SMARCA4: variants seen among roughly 807,000 people sequenced by gnomAD.
SMARCA4 encodes the protein SWI/SNF-related matrix-associated actin-dependent regulator of chromatin subfamily A member 4.
Under a neutral mutation model 193.9 loss-of-function variants are expected in SMARCA4, and 31 were observed. That is an observed-to-expected ratio of 0.16 (90% CI 0.12 to 0.22). The LOEUF (loss-of-function observed/expected upper bound fraction) is 0.22, where lower values mean the gene tolerates loss of function less well. Ranked by LOEUF, SMARCA4 falls within the 10% of genes least tolerant of loss-of-function variation. SMARCA4 has a pLI of 1.00. For missense variants in SMARCA4, 1,148 were observed against 2,296.0 expected, an observed-to-expected ratio of 0.50 and a Z score of 10.22; for synonymous variants, 942 against 933.1, an observed-to-expected ratio of 1.01 and a Z score of -0.17.
intron 14 of SMARCA4, 25 bp from the exon 15 acceptor site, chr19:11,010,356 C>G (rs772082607): frequency 2.5e-6 from 4 of 1,613,230 alleles, no homozygotes; most frequent in Non-Finnish European, 3.4e-6. Flanking sequence ...TGTGTCCTTA[C>G]CCGGCACCTC....
intron 30 of SMARCA4, among the ~76,000 whole-genome samples, chr19:11,054,709 A>G (rs549795654): frequency 2.6e-5 from 4 of 152,242 alleles, no homozygotes; most frequent in African/African-American, 9.6e-5. Flanking sequence ...GAATCGCTTG[A>G]ACCCTGGAGG....
In SMARCA4 at chr19:11,010,402, T is replaced by C. The variant is rs2146234038; in HGVS notation, c.2145T>C (p.Asp715=). The C allele has an allele frequency of 6.2e-7, 1 of 1,614,168 alleles. No individual in the cohort carries two copies. The highest frequency in any genetic ancestry group is 1.7e-5 in the Admixed American group (1 of 60,026). The stretch of plus-strand genomic sequence containing the variant: ...CCAGGAATGCCAAGCAAGATGTCGA[T>C]GATGAATATGGCGTGTCCCAGGCCC... The part of the protein sequence containing the change: ...HIIENAKQDV[D]DEYGVSQALA... The change falls in exon 15 of 35, where the codon GAT becomes GAC. Residue 715 remains aspartate (D), a synonymous_variant. Transcript: ENST00000344626.
intron 29 of SMARCA4, chr19:11,039,724 A>C (rs1033220737): frequency 2.5e-6 from 1 of 396,812 alleles, no homozygotes; most frequent in Non-Finnish European, 4.4e-6. Flanking sequence ...TAAGATGGGA[A>C]GATCACTTGA....
At chr19:11,024,287 T>C (rs2146469011) in intron 20 of SMARCA4, 44 bp from the exon 21 acceptor site, 2 of 1,431,016 alleles carry the variant, frequency 1.4e-6, no homozygotes, top group Non-Finnish European at 2.0e-6. Flanking sequence ...GAGTCAGGCC[T>C]CAAGCCACCT....
intron 1 of SMARCA4, among the ~76,000 whole-genome samples, chr19:10,976,236 T>G (rs2085113636): frequency 6.6e-6 from 1 of 152,200 alleles, no homozygotes; most frequent in African/African-American, 2.4e-5. Flanking sequence ...GAGGTGTTCC[T>G]TGTCCTTAGA....
At chr19:11,024,256 A>G in intron 20 of SMARCA4, 75 bp from the exon 21 acceptor site, 2 of 987,784 alleles carry the variant, frequency 2.0e-6, no homozygotes, top group East Asian at 2.4e-5. Flanking sequence ...CGAGGGGGTC[A>G]GAGCTGGGTT....
In SMARCA4 at chr19:10,984,043, C is replaced by T. The variant is rs575792993; in HGVS notation, c.-31-78C>T. On this transcript the variant is annotated intron_variant, in intron 1 of 34. Coordinates refer to ENST00000344626, the MANE Select transcript of SMARCA4 (RefSeq NM_003072.5). The surrounding 1 kb of genome is among the most constrained non-coding windows in gnomAD (Gnocchi z 4.3). ...TGTGGGATGTAGATTCTGATGTGAC[C>T]GTATGATTGTCCCTTGCTATCCCTG... The T allele has an allele frequency of 9.4e-5, 100 of 1,068,396 alleles. 1 individual carries two copies. The highest frequency in any genetic ancestry group is 1.3e-4 in the South Asian group (10 of 76,242). The allele number at this position is 1,068,396 out of a possible 1,614,324, so 66.2% of individuals were successfully genotyped here.
intron 1 of SMARCA4, among the ~76,000 whole-genome samples, chr19:10,963,537 G>A (rs2083979022): frequency 6.6e-6 from 1 of 152,062 alleles, no homozygotes; most frequent in Non-Finnish European, 1.5e-5. Flanking sequence ...GGTGGTTAGC[G>A]TGGGGTGGTG....
rs753819025 is a variant in SMARCA4, at chr19:11,058,413, G to A, written c.4533+50G>A. On this transcript the variant is annotated intron_variant, in intron 31 of 34. Coordinates refer to ENST00000344626, the MANE Select transcript of SMARCA4 (RefSeq NM_003072.5). This position sits in a 1 kb window ranked among gnomAD's most constrained non-coding sequence, Gnocchi z 5.8. Reference sequence around the variant, plus strand: ...CCCGCATGTGCCCGGAGGGGAGTCTGACCCAGGGGCACCCCCATCTGAGAG... The same window carrying A: ...CCCGCATGTGCCCGGAGGGGAGTCTAACCCAGGGGCACCCCCATCTGAGAG... 4 of 1,279,168 alleles carry A rather than the reference G, an allele frequency of 3.1e-6. No individual in the cohort carries two copies. Among genetic ancestry groups the A allele is most frequent in the Non-Finnish European group, 4.5e-6 (4 of 880,076 alleles). 79.2% of individuals were successfully genotyped at this position (1,279,168 alleles called of 1,614,324 possible).
chr19:10,997,694 C>T (rs952526640), intron 11 of SMARCA4, among the ~76,000 whole-genome samples: 2 of 151,600 alleles, frequency 1.3e-5, no homozygotes, highest in African/African-American at 2.4e-5. Context: ...TCTCCAATTC[C>T]TGGGCTCAGG....
At chr19:10,997,952 G>A (rs2087241068) in intron 11 of SMARCA4, among the ~76,000 whole-genome samples, 2 of 152,212 alleles carry the variant, frequency 1.3e-5, no homozygotes. Context: ...TTCGTATGAG[G>A]TTTGGCCAGT....
chr19:11,005,441 C>T (rs2088105526), intron 13 of SMARCA4, among the ~76,000 whole-genome samples: 1 of 152,186 alleles, frequency 6.6e-6, no homozygotes, highest in Non-Finnish European at 1.5e-5. Context: ...TGCTCAGACA[C>T]GCGCCTTCTT....
Position 11,058,577 on chromosome 19 carries a change from TG to T in SMARCA4, c.4534-208del, listed in dbSNP as rs1403252453. On this transcript the variant is annotated intron_variant, in intron 31 of 34. Coordinates refer to ENST00000344626, the MANE Select transcript of SMARCA4 (RefSeq NM_003072.5). This position sits in a 1 kb window ranked among gnomAD's most constrained non-coding sequence, Gnocchi z 5.8. ...AGGGATGTCAGTGGGCAGTCGGTGT[TG>T]GGTGTTCCTTCAAGGTCCCACTCAC... Among the ~76,000 whole-genome samples, 1 of 152,092 alleles carries T rather than the reference TG, an allele frequency of 6.6e-6. No homozygotes were observed. The highest frequency in any genetic ancestry group is 2.4e-5 in the African/African-American group (1 of 41,410).
At chr19:11,037,638 T>A (rs2075344374) in intron 29 of SMARCA4, among the ~76,000 whole-genome samples, 1 of 152,260 alleles carries the variant, frequency 6.6e-6, no homozygotes, top group Admixed American at 6.5e-5. Context: ...TGTTTCATTG[T>A]ACTTACAGTC....
At position 10,971,472 on chromosome 19, in the gene SMARCA4, C is replaced by G. The variant is rs1283888956; in HGVS notation, c.-32+10298C>G. Among the ~76,000 whole-genome samples, 3 of 151,804 alleles carry G rather than the reference C, an allele frequency of 2.0e-5. No individual in the cohort carries two copies. In the Admixed American group the frequency reaches 2.0e-4, roughly 10 times the overall value. Reference sequence around the variant, plus strand: ...TGATTAGATTTATAGCACTTCCACCCTCTATGTGACATTGTGTCTTTTTTT... The same window carrying G: ...TGATTAGATTTATAGCACTTCCACCGTCTATGTGACATTGTGTCTTTTTTT... On this transcript the variant is annotated intron_variant, in intron 1 of 34. Coordinates refer to ENST00000344626, the MANE Select transcript of SMARCA4 (RefSeq NM_003072.5).
intron 18 of SMARCA4, chr19:11,020,976 G>T (rs192566697): frequency 7.7e-4 from 120 of 155,452 alleles, no homozygotes; most frequent in Non-Finnish European, 9.1e-4. Context: ...CCGAGGACTG[G>T]GTGCTTTATC....
chr19:10,981,514 C>T (rs1415012207), intron 1 of SMARCA4, among the ~76,000 whole-genome samples: 1 of 152,194 alleles, frequency 6.6e-6, no homozygotes, highest in Admixed American at 6.5e-5. Context: ...AGATGAATTT[C>T]CTTGCAGTAA....
At chr19:11,014,629 A>G (rs1441407049) in intron 16 of SMARCA4, among the ~76,000 whole-genome samples, 2 of 152,096 alleles carry the variant, frequency 1.3e-5, no homozygotes, top group African/African-American at 2.4e-5. Context: ...TGATGGGTGC[A>G]GTGGCAGTCG....
chr19:11,036,125 A>G (rs1041340332), intron 29 of SMARCA4, among the ~76,000 whole-genome samples: 7 of 152,152 alleles, frequency 4.6e-5, no homozygotes, highest in East Asian at 1.9e-4. Flanking sequence ...GAAACACACC[A>G]GGAGCCCAGG....
Sources: allele counts gnomAD v4.1 joint callset (sites outside exome capture counted in the v4.1 genomes callset), GRCh38; gene constraint gnomAD v4.1.1; non-coding constraint Gnocchi (gnomAD v3.1); transcripts MANE v1.5; gene names NCBI Gene and HGNC (gene_info 2026-07-23, HGNC 2026-07-21).